CASR: variants seen among roughly 807,000 people sequenced by gnomAD.
The protein encoded by CASR is extracellular calcium-sensing receptor.
A neutral mutation model predicts 69.1 loss-of-function variants in CASR; 23 were observed. That is an observed-to-expected ratio of 0.33 (90% confidence interval 0.24 to 0.47). The LOEUF (loss-of-function observed/expected upper bound fraction) is 0.47, where lower values mean the gene tolerates loss of function less well. Ranked by LOEUF, CASR falls within the 20% of genes least tolerant of loss-of-function variation. The probability of loss-of-function intolerance (pLI) is 1.00; values close to 1 mark genes in which losing one functional copy is unlikely to be tolerated. For missense variants in CASR, 924 were observed against 1,356.1 expected, an observed-to-expected ratio of 0.68 and a Z score of 5.00; for synonymous variants, 541 against 544.7, an observed-to-expected ratio of 0.99 and a Z score of 0.10.
chr3:122,266,260 A>G (rs981889575), intron 4 of CASR, among the ~76,000 whole-genome samples: 4 of 152,022 alleles, frequency 2.6e-5, no homozygotes, highest in African/African-American at 9.7e-5. Flanking sequence ...AAAAGACCAC[A>G]AGATGGGAAT....
At position 122,286,227 on chromosome 3, in the gene CASR, G is replaced by A. The variant is rs1269411595; in HGVS notation, c.*1036G>A. 2 of 152,202 alleles carry A rather than the reference G, an allele frequency of 1.3e-5. No individual in the cohort carries two copies. Among genetic ancestry groups the A allele is most frequent in the African/African-American group, 4.8e-5 (2 of 41,446 alleles). 9.4% of individuals were successfully genotyped at this position (152,202 alleles called of 1,614,324 possible). A position where few individuals can be genotyped will look rare whatever the true frequency, so the allele number is the denominator to read the frequency against. On this transcript the variant is annotated 3_prime_UTR_variant, in exon 7 of 7. Transcript: ENST00000639785. ...TGTCAGAGCTATGTTCCCTCCAGCA[G>A]TGGTATTAATACTGCCGGTCACCCA...
intron 5 of CASR, among the ~76,000 whole-genome samples, chr3:122,279,757 C>T (rs1396677572): frequency 6.6e-6 from 1 of 152,160 alleles, no homozygotes; most frequent in Non-Finnish European, 1.5e-5. Flanking sequence ...GGGAACCTCA[C>T]TTTACCTTGA....
intron 1 of CASR, among the ~76,000 whole-genome samples, chr3:122,190,613 C>G (rs2073830835): frequency 6.6e-6 from 1 of 152,188 alleles, no homozygotes; most frequent in Non-Finnish European, 1.5e-5. Flanking sequence ...TAAAGCTCAT[C>G]AAGCATAGAC....
chr3:122,234,694 G>C (rs1483369853), intron 1 of CASR, among the ~76,000 whole-genome samples: 1 of 152,216 alleles, frequency 6.6e-6, no homozygotes, highest in Non-Finnish European at 1.5e-5. Context: ...ACCCTGACCA[G>C]CTGGACAGGA....
intron 1 of CASR, among the ~76,000 whole-genome samples, chr3:122,214,219 A>G (rs7647612): frequency 0.73 from 110,177 of 151,952 alleles, 40,182 homozygotes; most frequent in Admixed American, 0.82. Flanking sequence ...AATGGAGCGT[A>G]TCCATTTTTC....
intron 1 of CASR, among the ~76,000 whole-genome samples, chr3:122,227,504 C>T (rs1008290995): frequency 1.4e-4 from 21 of 152,254 alleles, no homozygotes; most frequent in Non-Finnish European, 2.6e-4. Flanking sequence ...TCACCCAGAA[C>T]TTGTGCTGGC....
At chr3:122,261,417 A>C (rs1157579640) in intron 3 of CASR, 111 bp from the exon 4 acceptor site, 1 of 910,820 alleles carries the variant, frequency 1.1e-6, no homozygotes, top group Non-Finnish European at 1.8e-6. Flanking sequence ...CATAGTTGAT[A>C]AATGAGACCA....
At chr3:122,227,397 C>T (rs1355822827) in intron 1 of CASR, among the ~76,000 whole-genome samples, 2 of 152,192 alleles carry the variant, frequency 1.3e-5, no homozygotes, top group Non-Finnish European at 2.9e-5. Flanking sequence ...CGTGAGAAGT[C>T]GAGCACAGCA....
In CASR at chr3:122,286,041, C is replaced by T. The variant is rs1252414509; in HGVS notation, c.*850C>T. On this transcript the variant is annotated 3_prime_UTR_variant, in exon 7 of 7. Coordinates refer to ENST00000639785, the MANE Select transcript of CASR (RefSeq NM_000388.4). Reference sequence around the variant, plus strand: ...CATAAGCTAAGCCTTATGTGAGCCCCTTCAGGGACTCAAGGGTCCAGAAGT... The same window carrying T: ...CATAAGCTAAGCCTTATGTGAGCCCTTTCAGGGACTCAAGGGTCCAGAAGT... 6.5e-6 allele frequency: 1 copy of T among 152,700 alleles called. No individual in the cohort carries two copies. The highest frequency in any genetic ancestry group is 2.4e-5 in the African/African-American group (1 of 41,446). 9.5% of individuals were successfully genotyped at this position (152,700 alleles called of 1,614,324 possible).
At chr3:122,210,473 G>A (rs1328594134) in intron 1 of CASR, among the ~76,000 whole-genome samples, 1 of 152,074 alleles carries the variant, frequency 6.6e-6, no homozygotes, top group Non-Finnish European at 1.5e-5. Flanking sequence ...AATCATGAAT[G>A]AACTCCCATT....
At chr3:122,237,875 T>C (rs938727347) in intron 1 of CASR, among the ~76,000 whole-genome samples, 15 of 152,224 alleles carry the variant, frequency 9.9e-5, no homozygotes, top group Admixed American at 9.8e-4. Context: ...TTTTTGGTAG[T>C]ATCTACTAAA....
chr3:122,191,615 G>A (rs774874130), intron 1 of CASR, among the ~76,000 whole-genome samples: 17 of 152,012 alleles, frequency 1.1e-4, no homozygotes, highest in Non-Finnish European at 2.1e-4. Context: ...CCTGGCCAAC[G>A]TTTAAAATAC....
intron 4 of CASR, among the ~76,000 whole-genome samples, chr3:122,267,908 C>T (rs2074712590): frequency 6.6e-6 from 1 of 152,204 alleles, no homozygotes; most frequent in Non-Finnish European, 1.5e-5. Flanking sequence ...TTACACATCT[C>T]TACCATTTCA....
intron 1 of CASR, among the ~76,000 whole-genome samples, chr3:122,191,087 T>C (rs2073835184): frequency 6.6e-6 from 1 of 152,230 alleles, no homozygotes; most frequent in Non-Finnish European, 1.5e-5. Context: ...TATTTAGCTT[T>C]CTGAAGAAAT....
intron 4 of CASR, among the ~76,000 whole-genome samples, chr3:122,267,724 C>T (rs1253247956): frequency 6.6e-6 from 1 of 151,852 alleles, no homozygotes; most frequent in Non-Finnish European, 1.5e-5. Context: ...TACATTTGCC[C>T]AAATTCAGAA....
intron 3 of CASR, among the ~76,000 whole-genome samples, chr3:122,259,387 C>G (rs1407949841): frequency 6.6e-6 from 1 of 152,074 alleles, no homozygotes; most frequent in Non-Finnish European, 1.5e-5. Flanking sequence ...AAAACAATAA[C>G]ATCTAAACAA....
chr3:122,279,915 C>T (rs982311937), intron 5 of CASR, among the ~76,000 whole-genome samples: 2 of 152,016 alleles, frequency 1.3e-5, no homozygotes, highest in East Asian at 1.9e-4. Flanking sequence ...GGTATTAAAC[C>T]CAGCATGCAC....
chr3:122,223,649 C>CA (rs903653382), intron 1 of CASR, among the ~76,000 whole-genome samples: 3 of 152,054 alleles, frequency 2.0e-5, no homozygotes, highest in African/African-American at 7.2e-5. Context: ...GAAATTATTC[C>CA]AAAAAATTGA....
At chr3:122,186,595 C>T (rs1034033519) in intron 1 of CASR, among the ~76,000 whole-genome samples, 14 of 152,280 alleles carry the variant, frequency 9.2e-5, no homozygotes, top group African/African-American at 3.4e-4. Context: ...CTTACAGATG[C>T]TTTGGGGTGG....
Sources: gnomAD v4.1 joint callset for allele counts (sites outside exome capture counted in the v4.1 genomes callset) on GRCh38, gnomAD v4.1.1 for gene constraint, MANE v1.5 for transcripts, NCBI Gene and HGNC (gene_info 2026-07-23, HGNC 2026-07-21) for gene names.